Variants in KIAA2012 observed in about 807,000 individuals in gnomAD.
KIAA2012 encodes KIAA2012.
Under a neutral mutation model 150.6 loss-of-function variants are expected in KIAA2012, and 125 were observed. That is an observed-to-expected ratio of 0.83 (90% CI 0.72 to 0.96). KIAA2012 has a LOEUF of 0.96. Ranked by LOEUF, KIAA2012 falls within the 40% of genes least tolerant of loss-of-function variation. KIAA2012 has a pLI of 0.00. For synonymous variants in KIAA2012, 462 were observed against 504.7 expected (o/e 0.92, Z 1.13); for missense variants, 1,219 against 1,354.9 (o/e 0.90, Z 1.57).
intron 11 of KIAA2012, chr2:202,114,221 G>C (rs1269002686): frequency 6.5e-6 from 1 of 152,764 alleles, no homozygotes; most frequent in African/African-American, 2.4e-5. Flanking sequence ...TGTATCCAAG[G>C]TTCCTCCACC....
chr2:202,195,398 G>A (rs142810074), intron 21 of KIAA2012, among the ~76,000 whole-genome samples: 29 of 152,018 alleles, frequency 1.9e-4, no homozygotes, highest in African/African-American at 5.5e-4. Context: ...TGTGCCTGTA[G>A]TCCCAGCTAC....
chr2:202,198,311 G>C (rs1692450130), intron 22 of KIAA2012, among the ~76,000 whole-genome samples: 1 of 151,992 alleles, frequency 6.6e-6, no homozygotes, highest in Admixed American at 6.6e-5. Context: ...ATAAACATCT[G>C]AGAGAAAAAT....
chr2:202,203,840 G>A (rs2105760068), intron 23 of KIAA2012, among the ~76,000 whole-genome samples: 1 of 151,830 alleles, frequency 6.6e-6, no homozygotes, highest in Non-Finnish European at 1.5e-5. Context: ...CACGATCTCG[G>A]CTCACTGCAA....
At chr2:202,154,570 A>T in intron 13 of KIAA2012, 103 bp from the exon 14 acceptor site, 1 of 1,070,476 alleles carries the variant, frequency 9.3e-7, no homozygotes, top group South Asian at 1.8e-5. Flanking sequence ...TGTTTCAATG[A>T]TTTTTAAAAT....
At chr2:202,080,714 A>G (rs959079651) in intron 2 of KIAA2012, among the ~76,000 whole-genome samples, 2 of 151,628 alleles carry the variant, frequency 1.3e-5, no homozygotes, top group Admixed American at 6.6e-5. Context: ...AAAAAAAAAA[A>G]AAGAAGGCTA....
chr2:202,092,510 A>C (rs1199062989), intron 3 of KIAA2012, among the ~76,000 whole-genome samples: 1 of 152,228 alleles, frequency 6.6e-6, no homozygotes, highest in Non-Finnish European at 1.5e-5. Context: ...TACAGAACAC[A>C]AGAGAGCTTT....
chr2:202,200,635 G>A lies in KIAA2012; in HGVS notation c.3408-1794G>A, dbSNP rs186909694. 1.8e-3 allele frequency among the ~76,000 whole-genome samples: 275 copies of A among 151,140 alleles called. 4 individuals carry two copies. The highest frequency in any genetic ancestry group is 0.016 in the Admixed American group (245 of 15,154). The stretch of plus-strand genomic sequence containing the variant: ...TAAAGGAAAAGGCACACACTAATGC[G>A]TTCCATTTATAACAAGTAATATAAA... On this transcript the variant is annotated intron_variant, in intron 22 of 23. Coordinates refer to ENST00000498697, the MANE Select transcript of KIAA2012 (RefSeq NM_001277372.4).
chr2:202,179,723 C>T, intron 15 of KIAA2012: 1 of 658,206 alleles, frequency 1.5e-6, no homozygotes, highest in Admixed American at 1.8e-5. Context: ...GAGGGACAAC[C>T]ATATTTATTT....
At chr2:202,126,047 C>T (rs528881312) in intron 12 of KIAA2012, 2 of 296,242 alleles carry the variant, frequency 6.8e-6, no homozygotes, top group Admixed American at 1.0e-4. Flanking sequence ...CTCTGACTCC[C>T]GGGTTCAAGC....
At position 202,090,925 on chromosome 2, in the gene KIAA2012, C is replaced by T. The variant is rs563801614; in HGVS notation, c.525C>T (p.Cys175=). Residue 175 remains cysteine (C), a synonymous_variant, in exon 3 of 24, where the codon TGC becomes TGT. Coordinates refer to ENST00000498697, the MANE Select transcript of KIAA2012 (RefSeq NM_001277372.4). ...WPPDAMYRLW[C]AGYIKDSVLL... ...CAGACGCCATGTATAGGCTCTGGTG[C>T]GCAGGTCAGTGGGGAAATGGGAGGG... is the stretch of plus-strand genomic sequence containing the variant. The T allele has an allele frequency of 1.2e-5, 19 of 1,545,634 alleles. No individual in the cohort carries two copies. Among genetic ancestry groups the T allele is most frequent in the African/African-American group, 5.5e-5 (4 of 73,088 alleles).
chr2:202,172,414 C>T (rs974422966), intron 15 of KIAA2012, among the ~76,000 whole-genome samples: 3 of 152,170 alleles, frequency 2.0e-5, no homozygotes, highest in Non-Finnish European at 4.4e-5. Context: ...GGAAACATCA[C>T]GAAATTATGG....
chr2:202,107,854 C>T (rs1690240095), intron 9 of KIAA2012, among the ~76,000 whole-genome samples: 1 of 152,098 alleles, frequency 6.6e-6, no homozygotes, highest in African/African-American at 2.4e-5. Context: ...ACTAAAAATA[C>T]AAAAATTAGC....
At chr2:202,169,237 T>TATGA (rs1003323726) in intron 15 of KIAA2012, among the ~76,000 whole-genome samples, 1 of 152,222 alleles carries the variant, frequency 6.6e-6, no homozygotes, top group South Asian at 2.1e-4. Context: ...GAGTCAAATG[T>TATGA]ATGAATGAAT....
chr2:202,192,249 A>C (rs2105748526), intron 19 of KIAA2012, among the ~76,000 whole-genome samples: 1 of 152,274 alleles, frequency 6.6e-6, no homozygotes, highest in South Asian at 2.1e-4. Context: ...TCTGAGTTGG[A>C]TACACAGAGT....
rs770304741 is a variant in KIAA2012 at position 202,199,338 on chromosome 2, T to C, written c.3407+2319T>C. On this transcript the variant is annotated intron_variant, in intron 22 of 23. Coordinates refer to ENST00000498697, the MANE Select transcript of KIAA2012 (RefSeq NM_001277372.4). ...CCCAGGCTGGAGTACAGTGGCACAA[T>C]GTTGGCTTACTGCAACCTCCACCTC... is the stretch of plus-strand genomic sequence containing the variant. Among the ~76,000 whole-genome samples, 52 of 152,158 alleles carry C rather than the reference T, an allele frequency of 3.4e-4. 1 individual carries two copies. Among genetic ancestry groups the C allele is most frequent in the Non-Finnish European group, 4.4e-4 (30 of 68,024 alleles).
intron 13 of KIAA2012, among the ~76,000 whole-genome samples, chr2:202,142,857 A>G (rs1035648166): frequency 6.6e-6 from 1 of 151,880 alleles, no homozygotes; most frequent in African/African-American, 2.4e-5. Context: ...AGAAACTGAG[A>G]TTTAATACTA....
chr2:202,159,967 G>T (rs1015140439), intron 14 of KIAA2012, among the ~76,000 whole-genome samples: 12 of 152,200 alleles, frequency 7.9e-5, no homozygotes, highest in Non-Finnish European at 1.5e-4. Flanking sequence ...AAGGGAGAAA[G>T]GAACATTCAC....
chr2:202,100,166 C>A, intron 6 of KIAA2012, 141 bp from the exon 7 acceptor site: 2 of 890,774 alleles, frequency 2.2e-6, no homozygotes, highest in Non-Finnish European at 1.7e-6. Flanking sequence ...ACCTGCCTCC[C>A]CCAAAGCTAG....
At chr2:202,198,129 G>C (rs1399148850) in intron 22 of KIAA2012, among the ~76,000 whole-genome samples, 1 of 142,534 alleles carries the variant, frequency 7.0e-6, no homozygotes, top group African/African-American at 2.6e-5. Flanking sequence ...AGCTGAGATC[G>C]TGCCATTGCA....
Sources: allele counts gnomAD v4.1 joint callset (sites outside exome capture counted in the v4.1 genomes callset), GRCh38; gene constraint gnomAD v4.1.1; transcripts MANE v1.5; gene names NCBI Gene and HGNC (gene_info 2026-07-23, HGNC 2026-07-21).